ANK2: variants seen among roughly 807,000 people sequenced by gnomAD.
ANK2 encodes the protein ankyrin 2, also known as ankyrin-2.
In ANK2, 83 loss-of-function variants were observed where a neutral mutation model predicts 360.5. The ratio of observed to expected loss-of-function variants is 0.23; its 90% confidence interval spans 0.19 to 0.28. ANK2 has a LOEUF of 0.28. Ranked by LOEUF, ANK2 falls within the 10% of genes least tolerant of loss-of-function variation. ANK2 has a pLI of 1.00. For synonymous variants in ANK2, 1,740 were observed against 1,759.5 expected, an observed-to-expected ratio of 0.99 and a Z score of 0.28; for missense variants, 4,201 against 4,795.7, an observed-to-expected ratio of 0.88 and a Z score of 3.66.
intron 4 of ANK2, among the ~76,000 whole-genome samples, chr4:113,225,197 G>A (rs2099202055): frequency 6.6e-6 from 1 of 151,964 alleles, no homozygotes; most frequent in African/African-American, 2.4e-5. Context: ...TGTGTGCATG[G>A]GCCATAATAT....
chr4:112,968,956 C>T (rs2038390151), intron 2 of ANK2, among the ~76,000 whole-genome samples: 2 of 152,184 alleles, frequency 1.3e-5, no homozygotes, highest in African/African-American at 2.4e-5. Context: ...CAGAGTGACT[C>T]ACTTCCTTAC....
At chr4:113,336,306 A>AG in intron 30 of ANK2, 1 of 570,906 alleles carries the variant, frequency 1.8e-6, no homozygotes, top group Non-Finnish European at 3.0e-6. Flanking sequence ...AAAAAAAAAA[A>AG]GAAATTAGCT....
At chr4:113,194,700 G>T (rs924204416) in intron 2 of ANK2, among the ~76,000 whole-genome samples, 1 of 152,030 alleles carries the variant, frequency 6.6e-6, no homozygotes, top group African/African-American at 2.4e-5. Flanking sequence ...TATCAAAGAT[G>T]ATATCATGTC....
At chr4:112,772,806 C>T in the ANK2 span, among the ~76,000 whole-genome samples, 1 of 152,058 alleles carries the variant, frequency 6.6e-6, no homozygotes, top group East Asian at 1.9e-4. Context: ...GGTGCAGTTG[C>T]TTTCTTCTTC....
intron 34 of ANK2, among the ~76,000 whole-genome samples, chr4:113,343,629 C>G (rs1028111661): frequency 6.6e-6 from 1 of 152,108 alleles, no homozygotes; most frequent in Non-Finnish European, 1.5e-5. Context: ...ATTCAATAAA[C>G]AGCATGGAGA....
In ANK2 at chr4:113,367,728, A is replaced by C; in HGVS notation, c.11195A>C (p.Glu3732Ala). Residue 3732 changes from glutamate (E) to alanine (A), a missense_variant, in exon 42 of 46, where the codon GAG becomes GCG. By Grantham distance (107) the Glu-to-Ala change is moderately radical. Transcript: ENST00000357077. ...STFQDGVPKT[E>A]GDSSATALFP... ...TTTCAGGATGGCGTCCCCAAAACTG[A>C]GGGGGACAGCTCAGCAACAGCACTC... 6.2e-7 allele frequency: 1 copy of C among 1,613,714 alleles called. No homozygotes were observed. The highest frequency in any genetic ancestry group is 8.5e-7 in the Non-Finnish European group (1 of 1,179,898).
intron 2 of ANK2, among the ~76,000 whole-genome samples, chr4:112,978,078 T>A (rs1039377483): frequency 6.6e-6 from 1 of 152,092 alleles, no homozygotes; most frequent in African/African-American, 2.4e-5. Flanking sequence ...ACCCCATCTC[T>A]ACTAAAACAC....
intron 1 of ANK2, among the ~76,000 whole-genome samples, chr4:113,116,699 G>GGCGGCA (rs1562183732): frequency 6.6e-6 from 1 of 151,634 alleles, no homozygotes. Flanking sequence ...GCAGTAGCAC[G>GGCGGCA]GCAGCAGCAG....
chr4:113,018,543 C>G lies in ANK2; in HGVS notation c.21+114029C>G, dbSNP rs79591052. Reference sequence around the variant, plus strand: ...TAGACTTAAGGTTAGCATCCATTTGCACTTTTGCCAAATATGGTATGTGAG... The same window carrying G: ...TAGACTTAAGGTTAGCATCCATTTGGACTTTTGCCAAATATGGTATGTGAG... On this transcript the variant is annotated intron_variant, in intron 2 of 30. Transcript: ENST00000503271. 2.0e-5 allele frequency among the ~76,000 whole-genome samples: 3 copies of G among 149,274 alleles called. No homozygotes were observed. In the East Asian group the frequency reaches 6.5e-4, roughly 32 times the overall value.
intron 2 of ANK2, among the ~76,000 whole-genome samples, chr4:113,022,564 T>G (rs1413124765): frequency 6.6e-6 from 1 of 152,194 alleles, no homozygotes; most frequent in Non-Finnish European, 1.5e-5. Context: ...TAGGGTATCG[T>G]TCATTCATTT....
intron 1 of ANK2, among the ~76,000 whole-genome samples, chr4:113,055,106 G>A (rs1159011409): frequency 2.0e-5 from 3 of 151,944 alleles, no homozygotes; most frequent in African/African-American, 7.3e-5. Flanking sequence ...TAGAACCATT[G>A]TCTTAGCCAG....
chr4:113,074,508 G>A (rs770084267), intron 1 of ANK2, among the ~76,000 whole-genome samples: 5 of 152,170 alleles, frequency 3.3e-5, no homozygotes, highest in East Asian at 3.8e-4. Flanking sequence ...GGCAGTACAT[G>A]GCCAAGTCCC....
chr4:113,182,749 G>A (rs1225259080), intron 2 of ANK2, among the ~76,000 whole-genome samples: 1 of 152,188 alleles, frequency 6.6e-6, no homozygotes, highest in Non-Finnish European at 1.5e-5. Context: ...TTGGTGGAGT[G>A]GAGGGGTAAA....
At chr4:113,265,128 T>C in intron 14 of ANK2, 133 bp downstream of exon 14, 2 of 865,780 alleles carry the variant, frequency 2.3e-6, no homozygotes, top group Non-Finnish European at 3.6e-6. Flanking sequence ...TCAATAGCAG[T>C]TTTCCAGAAA....
At chr4:112,957,459 C>T (rs2029865381) in intron 2 of ANK2, among the ~76,000 whole-genome samples, 2 of 152,228 alleles carry the variant, frequency 1.3e-5, no homozygotes, top group African/African-American at 2.4e-5. Flanking sequence ...AATCTTTTCC[C>T]CGCCTTTCCC....
intron 2 of ANK2, among the ~76,000 whole-genome samples, chr4:112,952,791 T>G (rs2095108917): frequency 6.6e-6 from 1 of 152,198 alleles, no homozygotes; most frequent in Admixed American, 6.5e-5. Flanking sequence ...GATTTACCTT[T>G]TAATATGCTT....
intron 19 of ANK2, 57 bp from the exon 20 acceptor site, chr4:113,288,331 A>G: frequency 7.1e-7 from 1 of 1,404,674 alleles, no homozygotes; most frequent in Non-Finnish European, 1.0e-6. Context: ...GGTATTAACC[A>G]CTAGAGTAGT....
intron 1 of ANK2, among the ~76,000 whole-genome samples, chr4:112,878,826 G>A (rs1056437701): frequency 1.3e-5 from 2 of 151,014 alleles, no homozygotes; most frequent in Admixed American, 6.6e-5. Context: ...TAGTAGAGAC[G>A]GGGTTTCACC....
chr4:112,972,847 A>G (rs1350678699), intron 2 of ANK2, among the ~76,000 whole-genome samples: 6 of 152,182 alleles, frequency 3.9e-5, no homozygotes, highest in Non-Finnish European at 7.3e-5. Context: ...CCATAAAAAT[A>G]AATGAAACAA....
Sources: allele counts gnomAD v4.1 joint callset (sites outside exome capture counted in the v4.1 genomes callset), GRCh38; gene constraint gnomAD v4.1.1; transcripts MANE v1.5; gene names NCBI Gene and HGNC (gene_info 2026-07-23, HGNC 2026-07-21).